Variants in NOTCH2NLR observed in about 807,000 individuals in gnomAD.
NOTCH2NLR encodes the protein notch 2 N-terminal like R (pseudogene).
A neutral mutation model predicts 35.6 loss-of-function variants in NOTCH2NLR; 33 were observed. The ratio of observed to expected loss-of-function variants is 0.93; its 90% CI spans 0.70 to 1.24. The LOEUF (loss-of-function observed/expected upper bound fraction) is 1.24. Ranked by LOEUF, NOTCH2NLR falls within the 50% of genes most tolerant of loss-of-function variation. The probability of loss-of-function intolerance (pLI) is 0.00; values close to 1 mark genes in which losing one functional copy is unlikely to be tolerated. For synonymous variants in NOTCH2NLR, 103 were observed against 141.0 expected (o/e 0.73, Z 1.91); for missense variants, 276 against 362.2 (o/e 0.76, Z 1.93).
In NOTCH2NLR at chr1:120,730,530, G is replaced by A. The variant is rs1469108810; in HGVS notation, c.73+6280G>A. Among the ~76,000 whole-genome samples, 2 of 99,628 alleles carry A rather than the reference G, an allele frequency of 2.0e-5. 1 individual carries two copies. The highest frequency in any genetic ancestry group is 3.7e-5 in the Non-Finnish European group (2 of 54,726). The allele number at this position is 99,628 out of a possible 152,430, so 65.4% of individuals were successfully genotyped here. A position where few individuals can be genotyped will look rare whatever the true frequency, so the allele number is the denominator to read the frequency against. ...TGAAAGGATATGCTCATAGGCTTGA[G>A]ACGGGACAAACTGCATCACTGGTAG... On this transcript the variant is annotated intron_variant, in intron 1 of 4. Transcript: ENST00000624419.
chr1:120,778,443 A>T (rs1651323761), intron 2 of NOTCH2NLR, among the ~76,000 whole-genome samples: 1 of 111,922 alleles, frequency 8.9e-6, no homozygotes, highest in Admixed American at 8.6e-5. Context: ...CGCAACCCAC[A>T]TGAGACTTTT....
rs1210495415 is a variant in NOTCH2NLR at position 120,727,709 on chromosome 1, A to G, written c.73+3459A>G. Among the ~76,000 whole-genome samples, 12 of 113,320 alleles carry G rather than the reference A, an allele frequency of 1.1e-4. 2 individuals are homozygous for G. Among genetic ancestry groups the G allele is most frequent in the Non-Finnish European group, 2.0e-4 (12 of 59,728 alleles). The allele number at this position is 113,320 out of a possible 152,430, so 74.3% of individuals were successfully genotyped here. A position where few individuals can be genotyped will look rare whatever the true frequency, so the allele number is the denominator to read the frequency against. ...TTTCTTTATATTGTGTTCACAGTCCATAGTTACATGCTTCCTTTCTTGATG... is the reference window on the plus strand; with the variant it reads ...TTTCTTTATATTGTGTTCACAGTCCGTAGTTACATGCTTCCTTTCTTGATG... On this transcript the variant is annotated intron_variant, in intron 1 of 4. Coordinates refer to ENST00000624419, the Ensembl canonical transcript of NOTCH2NLR.
At chr1:120,751,753 T>A (rs1651022682) in intron 1 of NOTCH2NLR, among the ~76,000 whole-genome samples, 1 of 1,714 alleles carries the variant, frequency 5.8e-4, no homozygotes. Context: ...TTTTCTTTTC[T>A]TTCTTTTCTC....
intron 3 of NOTCH2NLR, among the ~76,000 whole-genome samples, chr1:120,790,010 C>T (rs1389020385): frequency 2.9e-5 from 1 of 34,962 alleles, no homozygotes; most frequent in Non-Finnish European, 5.0e-5. Flanking sequence ...TTCTGATCAC[C>T]TTTTTTTTTT....
intron 3 of NOTCH2NLR, among the ~76,000 whole-genome samples, chr1:120,788,003 A>C (rs1651441509): frequency 1.2e-5 from 1 of 80,424 alleles, no homozygotes; most frequent in Non-Finnish European, 2.2e-5. Context: ...GCCTTCAGCA[A>C]ACACCTCAGC....
Position 120,784,294 on chromosome 1 carries a change from T to G in NOTCH2NLR, c.156-680T>G, listed in dbSNP as rs1651398296. 1.7e-5 allele frequency among the ~76,000 whole-genome samples: 2 copies of G among 118,004 alleles called. 1 individual carries two copies. Among genetic ancestry groups the G allele is most frequent in the Non-Finnish European group, 3.3e-5 (2 of 61,358 alleles). The allele number at this position is 118,004 out of a possible 152,430, so 77.4% of individuals were successfully genotyped here. On this transcript the variant is annotated intron_variant, in intron 2 of 4. Coordinates refer to ENST00000624419, the Ensembl canonical transcript of NOTCH2NLR. ...CGGCTTTAGGAGAGTAAGTCTGTTG[T>G]ACCTCATATGTAAGTATTATCCCAT...
At position 120,763,742 on chromosome 1, in the gene NOTCH2NLR, C is replaced by T. The variant is rs1199963610; in HGVS notation, c.155+33C>T. 175 of 859,854 alleles carry T rather than the reference C, an allele frequency of 2.0e-4. 23 individuals carry two copies. The East Asian group carries it at 2.5e-3, about 12-fold the overall frequency. The allele number at this position is 859,854 out of a possible 1,614,324, so 53.3% of individuals were successfully genotyped here. The stretch of plus-strand genomic sequence containing the variant: ...TTTCTCTTCATATATTTTCTTTTTG[C>T]GATAGAACACTGGACAAGATTTGAT... On this transcript the variant is annotated intron_variant, in intron 2 of 4. Transcript: ENST00000624419.
At position 120,759,892 on chromosome 1, in the gene NOTCH2NLR, C is replaced by A. The variant is rs1651115278; in HGVS notation, c.74-3736C>A. Among the ~76,000 whole-genome samples, 2 of 107,044 alleles carry A rather than the reference C, an allele frequency of 1.9e-5. 1 individual carries two copies. The highest frequency in any genetic ancestry group is 3.5e-5 in the Non-Finnish European group (2 of 57,946). The allele number at this position is 107,044 out of a possible 152,430, so 70.2% of individuals were successfully genotyped here. A position where few individuals can be genotyped will look rare whatever the true frequency, so the allele number is the denominator to read the frequency against. Reference sequence around the variant, plus strand: ...ACCCTATTATTAACTATATTCACCACTCTATGCAATATATCTCAAACATAT... The same window carrying A: ...ACCCTATTATTAACTATATTCACCAATCTATGCAATATATCTCAAACATAT... On this transcript the variant is annotated intron_variant, in intron 1 of 4. Transcript: ENST00000624419.
chr1:120,783,950 A>G (rs1235968557), intron 2 of NOTCH2NLR, among the ~76,000 whole-genome samples: 1 of 108,610 alleles, frequency 9.2e-6, no homozygotes, highest in Non-Finnish European at 1.7e-5. Context: ...GAGGAAAGTC[A>G]TTGTTTTTAG....
At position 120,742,322 on chromosome 1, in the gene NOTCH2NLR, T is replaced by C. The variant is rs1383235816; in HGVS notation, c.73+18072T>C. On this transcript the variant is annotated intron_variant, in intron 1 of 4. Coordinates refer to ENST00000624419, the Ensembl canonical transcript of NOTCH2NLR. Reference sequence around the variant, plus strand: ...CTCTGTGTGTGTGTGCGTGTGTGTGTGTGTGTGTGTGTGTGTGTGTGTGTG... The same window carrying C: ...CTCTGTGTGTGTGTGCGTGTGTGTGCGTGTGTGTGTGTGTGTGTGTGTGTG... Among the ~76,000 whole-genome samples, 14 of 32,294 alleles carry C rather than the reference T, an allele frequency of 4.3e-4. 6 individuals are homozygous for C. In the African/African-American group the frequency reaches 6.4e-3, roughly 15 times the overall value. 21.2% of individuals were successfully genotyped at this position (32,294 alleles called of 152,430 possible).
intron 2 of NOTCH2NLR, among the ~76,000 whole-genome samples, chr1:120,784,112 C>T (rs1383042754): frequency 0.055 from 6,402 of 117,216 alleles, 1,959 homozygotes; most frequent in African/African-American, 0.17. Flanking sequence ...AATGGGACCT[C>T]ATGAAAGTGT....
chr1:120,790,106 C>A lies in NOTCH2NLR; in HGVS notation c.416-3055C>A, dbSNP rs1351914151. Among the ~76,000 whole-genome samples, 2 of 92,744 alleles carry A rather than the reference C, an allele frequency of 2.2e-5. 1 individual carries two copies. The highest frequency in any genetic ancestry group is 3.9e-5 in the Non-Finnish European group (2 of 51,790). 60.8% of individuals were successfully genotyped at this position (92,744 alleles called of 152,430 possible). ...TCTCGGTTCACTGCAAGTTCCACCTCCCGGGTTCACGCCATTCTTCTGCCT... is the reference window on the plus strand; with the variant it reads ...TCTCGGTTCACTGCAAGTTCCACCTACCGGGTTCACGCCATTCTTCTGCCT... On this transcript the variant is annotated intron_variant, in intron 3 of 4. Coordinates refer to ENST00000624419, the Ensembl canonical transcript of NOTCH2NLR.
downstream of NOTCH2NLR, among the ~76,000 whole-genome samples, chr1:120,794,185 C>A (rs1217437285): frequency 9.5e-5 from 11 of 116,254 alleles, 3 homozygotes; most frequent in Admixed American, 5.8e-4. Context: ...TTCACTGATA[C>A]AAGTGTTGTA....
At chr1:120,790,012 T>G (rs1651466410) in intron 3 of NOTCH2NLR, among the ~76,000 whole-genome samples, 1 of 56,382 alleles carries the variant, frequency 1.8e-5, no homozygotes, top group South Asian at 5.2e-4. Context: ...CTGATCACCT[T>G]TTTTTTTTTT....
rs1231550113 is a variant in NOTCH2NLR, at chr1:120,784,995, G to A, written c.177G>A (p.Gly59=). 6.3e-6 allele frequency: 9 copies of A among 1,421,406 alleles called. 1 individual carries two copies. Among genetic ancestry groups the A allele is most frequent in the Middle Eastern group, 1.8e-4 (1 of 5,562 alleles). The allele number at this position is 1,421,406 out of a possible 1,614,324, so 88.0% of individuals were successfully genotyped here. A position where few individuals can be genotyped will look rare whatever the true frequency, so the allele number is the denominator to read the frequency against. The stretch of plus-strand genomic sequence containing the variant: ...ACAGATGTCCAGAAGGCTTCTTGGG[G>A]GAATATTGTCAACATCGAGACCCCT... The change falls in exon 3 of 5, where the codon GGG becomes GGA. Residue 59 remains glycine, a synonymous_variant. Coordinates refer to ENST00000624419, the Ensembl canonical transcript of NOTCH2NLR.
rs1265377890 is a variant in NOTCH2NLR, at chr1:120,745,190, T to C, written c.74-18438T>C. 1.8e-5 allele frequency among the ~76,000 whole-genome samples: 2 copies of C among 110,204 alleles called. 1 individual carries two copies. Among genetic ancestry groups the C allele is most frequent in the Non-Finnish European group, 3.4e-5 (2 of 58,206 alleles). 72.3% of individuals were successfully genotyped at this position (110,204 alleles called of 152,430 possible). On this transcript the variant is annotated intron_variant, in intron 1 of 4. Transcript: ENST00000624419. ...CCTGTCTAATTGCAAAGCCACATTCTTTACTGCACGCTTTAGTCCATGGTT... is the reference window on the plus strand; with the variant it reads ...CCTGTCTAATTGCAAAGCCACATTCCTTACTGCACGCTTTAGTCCATGGTT...
intron 1 of NOTCH2NLR, among the ~76,000 whole-genome samples, chr1:120,727,765 T>G (rs1650831338): frequency 8.6e-6 from 1 of 116,820 alleles, no homozygotes; most frequent in Non-Finnish European, 1.6e-5. Context: ...TTTGAACTAT[T>G]AATTTTCCTT....
intron 1 of NOTCH2NLR, 148 bp downstream of exon 1, chr1:120,724,398 G>T: frequency 7.4e-7 from 1 of 1,346,342 alleles, no homozygotes; most frequent in South Asian, 1.3e-5. Flanking sequence ...CCAAGAGTTT[G>T]GACATCGCCG....
At chr1:120,755,933 C>CTTTTTTT (rs1168463033) in intron 1 of NOTCH2NLR, among the ~76,000 whole-genome samples, 1 of 87,258 alleles carries the variant, frequency 1.1e-5, no homozygotes, top group Non-Finnish European at 2.0e-5. Context: ...TCTCTTATTG[C>CTTTTTTT]TTTTTTTTTT....
Sources: allele counts gnomAD v4.1 joint callset (sites outside exome capture counted in the v4.1 genomes callset), GRCh38; gene constraint gnomAD v4.1.1; transcripts MANE v1.5; gene names NCBI Gene and HGNC (gene_info 2026-07-23, HGNC 2026-07-21).